The following RCN2 variants were observed in gnomAD, a reference collection of about 807,000 sequenced individuals.
RCN2 encodes reticulocalbin 2, also known as reticulocalbin-2.
RCN2 carries 23 observed loss-of-function variants against 37.5 expected under a neutral mutation model. The ratio of observed to expected loss-of-function variants is 0.61; its 90% CI spans 0.44 to 0.87. RCN2 has a LOEUF of 0.87. Among genes scored for constraint, RCN2 ranks in the 40% least tolerant of loss-of-function variants. RCN2 has a pLI of 0.00. For missense variants in RCN2, 381 were observed against 390.4 expected (o/e 0.98, Z 0.20); for synonymous variants, 140 against 144.6 (o/e 0.97, Z 0.23).
At chr15:76,947,098 G>GA (rs1459647964) in intron 4 of RCN2, among the ~76,000 whole-genome samples, 1 of 152,190 alleles carries the variant, frequency 6.6e-6, no homozygotes, top group Admixed American at 6.5e-5. Flanking sequence ...AAAATAGCAT[G>GA]AGAGTAACGC....
chr15:76,943,641 C>T lies in RCN2; in HGVS notation c.448-117C>T, dbSNP rs543979622. On this transcript the variant is annotated intron_variant, in intron 3 of 6. Coordinates refer to ENST00000394885, the MANE Select transcript of RCN2 (RefSeq NM_002902.3). Reference sequence around the variant, plus strand: ...TTTGTGTAGCTTACCTTCAAAGGGACGATGTGAAGATAAATGAGATAACGG... The same window carrying T: ...TTTGTGTAGCTTACCTTCAAAGGGATGATGTGAAGATAAATGAGATAACGG... 19 of 607,246 alleles carry T rather than the reference C, an allele frequency of 3.1e-5. No individual in the cohort carries two copies. The South Asian group carries it at 3.7e-4, about 12-fold the overall frequency. 37.6% of individuals were successfully genotyped at this position (607,246 alleles called of 1,614,324 possible). A position where few individuals can be genotyped will look rare whatever the true frequency, so the allele number is the denominator to read the frequency against.
intron 3 of RCN2, among the ~76,000 whole-genome samples, chr15:76,939,498 G>A (rs567409170): frequency 2.0e-5 from 3 of 152,074 alleles, no homozygotes; most frequent in Admixed American, 6.5e-5. Flanking sequence ...TGTATCTTTT[G>A]TTTTCTTTTT....
chr15:76,948,484 G>T lies in RCN2; in HGVS notation c.733G>T (p.Gly245Cys), dbSNP rs1297239279. ...GAATGATTATGACAAAGATAACGAT[G>T]GCAGGCTTGATCCCCAAGAGCTGTT... ...FVNDYDKDND[G>C]RLDPQELLPW... Residue 245 changes from glycine (G) to cysteine (C), a missense_variant, in exon 6 of 7, where the codon GGC (glycine) becomes TGC (cysteine). Transcript: ENST00000394885. 6.2e-7 allele frequency: 1 copy of T among 1,609,618 alleles called. No individual in the cohort carries two copies. Among genetic ancestry groups the T allele is most frequent in the African/African-American group, 1.3e-5 (1 of 74,838 alleles).
At chr15:76,932,513 G>C in intron 2 of RCN2, 47 bp downstream of exon 2, 1 of 1,289,354 alleles carries the variant, frequency 7.8e-7, no homozygotes, top group African/African-American at 1.5e-5. Flanking sequence ...ACACAAATAT[G>C]TTAAGCAGCG....
Position 76,950,572 on chromosome 15 carries a change from G to A in RCN2, c.*1350G>A, listed in dbSNP as rs951267605. The A allele has an allele frequency of 1.3e-5, 2 of 152,190 alleles. No homozygotes were observed. Among genetic ancestry groups the A allele is most frequent in the East Asian group, 1.9e-4 (1 of 5,180 alleles). 9.4% of individuals were successfully genotyped at this position (152,190 alleles called of 1,614,324 possible). ...CCCGGCTAATTTTTTTGTATTTTTA[G>A]TAGAGACCGGGTTTCACCGTGTTAG... On this transcript the variant is annotated 3_prime_UTR_variant, in exon 7 of 7. Coordinates refer to ENST00000394885, the MANE Select transcript of RCN2 (RefSeq NM_002902.3).
At chr15:76,947,378 ATT>A (rs1463377539) in intron 4 of RCN2, 41 bp from the exon 5 acceptor site, 1 of 1,315,370 alleles carries the variant, frequency 7.6e-7, no homozygotes, top group Non-Finnish European at 1.1e-6. Flanking sequence ...GGGACTGAAC[ATT>A]TTGTAACTTT....
At position 76,950,940 on chromosome 15, in the gene RCN2, T is replaced by C. The variant is rs1012359944; in HGVS notation, c.*1718T>C. On this transcript the variant is annotated 3_prime_UTR_variant, in exon 7 of 7. Transcript: ENST00000394885. The stretch of plus-strand genomic sequence containing the variant: ...TTGTAAGCTTCCACACCTTAATGAC[T>C]GCTTGCTTGGGTATCTACATGGTTT... 6.6e-6 allele frequency: 1 copy of C among 152,246 alleles called. No homozygotes were observed. Among genetic ancestry groups the C allele is most frequent in the African/African-American group, 2.4e-5 (1 of 41,464 alleles). The allele number at this position is 152,246 out of a possible 1,614,324, so 9.4% of individuals were successfully genotyped here. A position where few individuals can be genotyped will look rare whatever the true frequency, so the allele number is the denominator to read the frequency against.
rs2075330016 is a variant in RCN2, at chr15:76,953,325, C to G, written c.*4103C>G. 2 of 151,900 alleles carry G rather than the reference C, an allele frequency of 1.3e-5. No individual in the cohort carries two copies. The highest frequency in any genetic ancestry group is 2.1e-4 in the South Asian group (1 of 4,818). The allele number at this position is 151,900 out of a possible 1,614,324, so 9.4% of individuals were successfully genotyped here. A position where few individuals can be genotyped will look rare whatever the true frequency, so the allele number is the denominator to read the frequency against. ...TAGCATAACGTCCCCAAAGTTCACC[C>G]ATATTGTTACCAGAATTTCTTTCGT... is the stretch of plus-strand genomic sequence containing the variant. On this transcript the variant is annotated 3_prime_UTR_variant, in exon 7 of 7. Transcript: ENST00000394885.
intron 3 of RCN2, among the ~76,000 whole-genome samples, chr15:76,940,265 G>C (rs538828513): frequency 1.3e-5 from 2 of 151,328 alleles, no homozygotes; most frequent in South Asian, 4.2e-4. Context: ...AGGAATTTGA[G>C]GCCAGTCTGG....
intron 3 of RCN2, chr15:76,941,507 T>C: frequency 2.3e-6 from 1 of 438,748 alleles, no homozygotes; most frequent in East Asian, 3.4e-5. Flanking sequence ...AATAAATGAT[T>C]ATGGTAGCTT....
rs1488423784 is a variant in RCN2, at chr15:76,941,626, TA to T, written c.448-2131del. 5 of 1,455,572 alleles carry T rather than the reference TA, an allele frequency of 3.4e-6. No individual in the cohort carries two copies. In the South Asian group the frequency reaches 4.0e-5, roughly 12 times the overall value. The allele number at this position is 1,455,572 out of a possible 1,614,324, so 90.2% of individuals were successfully genotyped here. The stretch of plus-strand genomic sequence containing the variant: ...TTATGAAACTGACCATCTTTTTTGT[TA>T]TTTTTTTAGGAATTTGCCATTTGTA... On this transcript the variant is annotated intron_variant, in intron 3 of 6. Transcript: ENST00000394885.
chr15:76,952,633 TG>T lies in RCN2; in HGVS notation c.*3412del, dbSNP rs2075326731. ...CTGGCAAACACCATTCTAGTTTTTT[TG>T]TTTGAGATGGAGTCTTGCTCTTGTT... On this transcript the variant is annotated 3_prime_UTR_variant, in exon 7 of 7. Transcript: ENST00000394885. 6.6e-6 allele frequency: 1 copy of T among 152,268 alleles called. No homozygotes were observed. Among genetic ancestry groups the T allele is most frequent in the African/African-American group, 2.4e-5 (1 of 41,450 alleles). The allele number at this position is 152,268 out of a possible 1,614,324, so 9.4% of individuals were successfully genotyped here. A position where few individuals can be genotyped will look rare whatever the true frequency, so the allele number is the denominator to read the frequency against.
Position 76,951,989 on chromosome 15 carries a change from C to T in RCN2, c.*2767C>T, listed in dbSNP as rs2075322858. 1 of 150,294 alleles carries T rather than the reference C, an allele frequency of 6.7e-6. No homozygotes were observed. The highest frequency in any genetic ancestry group is 6.7e-5 in the Admixed American group (1 of 14,996). The allele number at this position is 150,294 out of a possible 1,614,324, so 9.3% of individuals were successfully genotyped here. A position where few individuals can be genotyped will look rare whatever the true frequency, so the allele number is the denominator to read the frequency against. On this transcript the variant is annotated 3_prime_UTR_variant, in exon 7 of 7. Coordinates refer to ENST00000394885, the MANE Select transcript of RCN2 (RefSeq NM_002902.3). ...GGAAAAGCTAGCATATCATGTTTGC[C>T]TTACTTAGTTCTTTCCTTTGCAGTT...
chr15:76,941,828 C>T (rs2152650784), intron 3 of RCN2: 3 of 456,582 alleles, frequency 6.6e-6, no homozygotes, highest in Non-Finnish European at 1.2e-5. Flanking sequence ...CAAATTTGGC[C>T]AAATTTAGCT....
At position 76,931,958 on chromosome 15, in the gene RCN2, C is replaced by T. The variant is rs1240830295; in HGVS notation, c.117C>T (p.Tyr39=). The T allele has an allele frequency of 1.6e-6, 2 of 1,276,988 alleles. No homozygotes were observed. The highest frequency in any genetic ancestry group is 9.8e-7 in the Non-Finnish European group (1 of 1,016,816). 79.1% of individuals were successfully genotyped at this position (1,276,988 alleles called of 1,614,324 possible). ...CGCTGGGCGAGCGCCGCAGCGACTA[C>T]GACCGCGAGGCGCTGCTGGGCGTCC... is the stretch of plus-strand genomic sequence containing the variant. ...HYPLGERRSD[Y]DREALLGVQE... Residue 39 remains tyrosine, a synonymous_variant, in exon 1 of 7, where the codon TAC becomes TAT. Coordinates refer to ENST00000394885, the MANE Select transcript of RCN2 (RefSeq NM_002902.3).
At chr15:76,943,398 T>A (rs540583456) in intron 3 of RCN2, 1 of 163,094 alleles carries the variant, frequency 6.1e-6, no homozygotes, top group African/African-American at 2.4e-5. Flanking sequence ...TCAATAATAG[T>A]ATATAACACT....
At chr15:76,946,435 T>A (rs2099861284) in intron 4 of RCN2, among the ~76,000 whole-genome samples, 1 of 146,764 alleles carries the variant, frequency 6.8e-6, no homozygotes, top group African/African-American at 2.5e-5. Flanking sequence ...GGTGACAGAA[T>A]GAGATCCTAT....
At chr15:76,944,277 G>A (rs138749454) in intron 4 of RCN2, among the ~76,000 whole-genome samples, 76 of 152,082 alleles carry the variant, frequency 5.0e-4, no homozygotes, top group African/African-American at 1.8e-3. Flanking sequence ...CACCGCGCCC[G>A]GCCGAGATGT....
Position 76,949,353 on chromosome 15 carries a change from G to T in RCN2, c.*131G>T. ...CCACAGTCAGAATTATCTTAATGTAGATTATAATTTTGGTCTTTTAGGAAA... is the reference window on the plus strand; with the variant it reads ...CCACAGTCAGAATTATCTTAATGTATATTATAATTTTGGTCTTTTAGGAAA... On this transcript the variant is annotated 3_prime_UTR_variant, in exon 7 of 7. Transcript: ENST00000394885. The T allele has an allele frequency of 1.5e-6, 1 of 648,296 alleles. No homozygotes were observed. Among genetic ancestry groups the T allele is most frequent in the Admixed American group, 3.9e-5 (1 of 25,972 alleles). The allele number at this position is 648,296 out of a possible 1,614,324, so 40.2% of individuals were successfully genotyped here. A position where few individuals can be genotyped will look rare whatever the true frequency, so the allele number is the denominator to read the frequency against.
Sources: allele counts gnomAD v4.1 joint callset (sites outside exome capture counted in the v4.1 genomes callset), GRCh38; gene constraint gnomAD v4.1.1; transcripts MANE v1.5; gene names NCBI Gene and HGNC (gene_info 2026-07-23, HGNC 2026-07-21).